SPATA20: variants seen among roughly 807,000 people sequenced by gnomAD.
SPATA20 encodes the protein spermatogenesis associated 20, also known as spermatogenesis-associated protein 20.
Under a neutral mutation model 98.9 loss-of-function variants are expected in SPATA20, and 74 were observed. That is an observed-to-expected ratio of 0.75 (90% CI 0.62 to 0.91). SPATA20 has a LOEUF of 0.91. SPATA20 is among the 40% of genes least tolerant of loss of function. SPATA20 has a pLI of 0.00. For missense variants in SPATA20, 1,016 were observed against 1,069.8 expected (o/e 0.95, Z 0.70); for synonymous variants, 430 against 440.5 (o/e 0.98, Z 0.30).
chr17:50,547,184 G>A lies in SPATA20; in HGVS notation c.-25G>A. 7.1e-7 allele frequency: 1 copy of A among 1,415,160 alleles called. No individual in the cohort carries two copies. The highest frequency in any genetic ancestry group is 9.2e-7 in the Non-Finnish European group (1 of 1,092,792). 87.7% of individuals were successfully genotyped at this position (1,415,160 alleles called of 1,614,324 possible). On this transcript the variant is annotated 5_prime_UTR_variant, in exon 1 of 17. Transcript: ENST00000006658. ...CTGACTTCCCTTCCTGTCCTCAGCG[G>A]CCGGGCCCACGGCCCCGAGCAGCCA...
Position 50,551,615 on chromosome 17 carries a change from G to A in SPATA20, c.1681G>A (p.Asp561Asn), listed in dbSNP as rs758849480. 1.9e-6 allele frequency: 3 copies of A among 1,606,140 alleles called. No homozygotes were observed. The East Asian group carries it at 6.7e-5, about 36-fold the overall frequency. The change falls in exon 13 of 17, where the codon GAT (aspartate) becomes AAT (asparagine). Residue 561 changes from aspartate to asparagine, a missense_variant. By Grantham distance (23) the Asp-to-Asn change is conservative. Transcript: ENST00000006658. ...CAAGTTCCTGAAGCGGCACATGTTT[G>A]ATGTGGCCAGTGGCCGCCTGATGCG... ...GAKFLKRHMF[D>N]VASGRLMRTC...
In SPATA20 at chr17:50,555,708, C is replaced by T. The variant is rs1315396009; in HGVS notation, c.*46C>T. ...TGGGGCAGAAGGTGAAGCATCCCAA[C>T]TGACTAGAGACTCAGGCCCTGCAGG... On this transcript the variant is annotated 3_prime_UTR_variant, in exon 17 of 17. Coordinates refer to ENST00000006658, the MANE Select transcript of SPATA20 (RefSeq NM_022827.4). 6.4e-7 allele frequency: 1 copy of T among 1,559,244 alleles called. No individual in the cohort carries two copies. Among genetic ancestry groups the T allele is most frequent in the Non-Finnish European group, 8.7e-7 (1 of 1,144,792 alleles).
intron 13 of SPATA20, 73 bp downstream of exon 13, chr17:50,551,752 C>T (rs1043919955): frequency 1.3e-6 from 2 of 1,486,426 alleles, no homozygotes; most frequent in Admixed American, 3.9e-5. Context: ...CTACTTCTCC[C>T]CTCCATGTGG....
rs137896040 is a variant in SPATA20 at position 50,555,025 on chromosome 17, T to C, written c.2158-207T>C. On this transcript the variant is annotated intron_variant, in intron 15 of 16. Transcript: ENST00000006658. ...GTATCTGTACCATTGTGTATATGTA[T>C]GACATTTCCACTTCGGTATTCTCAT... 5.1e-3 allele frequency among the ~76,000 whole-genome samples: 769 copies of C among 152,062 alleles called. 7 individuals are homozygous for C. The highest frequency in any genetic ancestry group is 0.018 in the African/African-American group (737 of 41,474).
At chr17:50,555,431 T>G (rs1004040640) in intron 16 of SPATA20, 61 bp from the exon 17 acceptor site, 25 of 1,606,632 alleles carry the variant, frequency 1.6e-5, no homozygotes, top group Non-Finnish European at 2.0e-5. Flanking sequence ...CAGTGGGCCT[T>G]TCTAATGGGC....
Position 50,547,760 on chromosome 17 carries a change from C to G in SPATA20, c.118C>G (p.Pro40Ala), listed in dbSNP as rs200779493. 1.3e-6 allele frequency: 1 copy of G among 784,066 alleles called. No homozygotes were observed. The highest frequency in any genetic ancestry group is 2.4e-6 in the Non-Finnish European group (1 of 421,056). The allele number at this position is 784,066 out of a possible 1,614,324, so 48.6% of individuals were successfully genotyped here. The part of the protein sequence containing the change: ...VWPRTWPHRS[P>A]SRGSSSRDKD... ...GCCCAGGACCTGGCCCCACAGGAGT[C>G]CCAGCAGGTGGGCGCTGAGTGAGGG... Residue 40 changes from proline (P) to alanine (A), a missense_variant, in exon 2 of 17, where the codon CCC (proline) becomes GCC (alanine). Coordinates refer to ENST00000006658, the MANE Select transcript of SPATA20 (RefSeq NM_022827.4).
At chr17:50,550,636 C>G in intron 10 of SPATA20, 26 bp downstream of exon 10, 1 of 1,613,648 alleles carries the variant, frequency 6.2e-7, no homozygotes, top group East Asian at 2.2e-5. Context: ...GGCAGGCAGG[C>G]CTGGCTGTGG....
chr17:50,550,712 G>C lies in SPATA20; in HGVS notation c.1178G>C (p.Gly393Ala). 5 of 1,613,374 alleles carry C rather than the reference G, an allele frequency of 3.1e-6. No homozygotes were observed. The South Asian group carries it at 5.5e-5, about 18-fold the overall frequency. ...YVARSLSHRSGGFYSAEDADS... is the reference protein window; with the variant it reads ...YVARSLSHRSAGFYSAEDADS... ...CCAACTCTCCCCTCCCCACAGTCCGGAGGCTTCTATAGCGCAGAAGATGCA... is the reference window on the plus strand; with the variant it reads ...CCAACTCTCCCCTCCCCACAGTCCGCAGGCTTCTATAGCGCAGAAGATGCA... The change falls in exon 11 of 17, where the codon GGA (glycine) becomes GCA (alanine). Residue 393 changes from glycine to alanine, a missense_variant. Gly to Ala is a moderately conservative substitution (Grantham distance 60). Coordinates refer to ENST00000006658, the MANE Select transcript of SPATA20 (RefSeq NM_022827.4).
Position 50,551,603 on chromosome 17 carries a change from C to A in SPATA20, c.1669C>A (p.Arg557=). Residue 557 remains arginine (R), a synonymous_variant, in exon 13 of 17, where the codon CGG becomes AGG. Transcript: ENST00000006658. ...CACCAATGGTGCCAAGTTCCTGAAG[C>A]GGCACATGTTTGATGTGGCCAGTGG... The part of the protein sequence containing the change: ...YATNGAKFLK[R]HMFDVASGRL... 3 of 1,608,252 alleles carry A rather than the reference C, an allele frequency of 1.9e-6. No homozygotes were observed. Among genetic ancestry groups the A allele is most frequent in the East Asian group, 4.5e-5 (2 of 44,666 alleles).
rs1219291006 is a variant in SPATA20, at chr17:50,555,529, T to C, written c.2276T>C (p.Leu759Pro). Residue 759 changes from leucine to proline, a missense_variant, in exon 17 of 17, where the codon CTG (leucine) becomes CCG (proline). Coordinates refer to ENST00000006658, the MANE Select transcript of SPATA20 (RefSeq NM_022827.4). Reference protein sequence around the residue: ...ILADGDPSSFLSRQLPFLSTL... With the variant: ...ILADGDPSSFPSRQLPFLSTL... ...GCTGATGGGGACCCCTCGAGCTTCCTGTCCCGCCAGCTGCCTTTCCTGAGT... is the reference window on the plus strand; with the variant it reads ...GCTGATGGGGACCCCTCGAGCTTCCCGTCCCGCCAGCTGCCTTTCCTGAGT... 2 of 1,614,058 alleles carry C rather than the reference T, an allele frequency of 1.2e-6. No individual in the cohort carries two copies. Among genetic ancestry groups the C allele is most frequent in the South Asian group, 1.1e-5 (1 of 91,082 alleles).
Position 50,555,292 on chromosome 17 carries a change from T to C in SPATA20, c.2218T>C (p.Ser740Pro). Reference sequence around the variant, plus strand: ...CAAGGCCCTGGTGCAGTGCGTCCACTCTGTCTACATTCCTAACAAGGTACC... The same window carrying C: ...CAAGGCCCTGGTGCAGTGCGTCCACCCTGTCTACATTCCTAACAAGGTACC... ...DTKALVQCVH[S>P]VYIPNKVLIL... is the part of the protein sequence containing the mutation. Residue 740 changes from serine to proline, a missense_variant, in exon 16 of 17, where the codon TCT becomes CCT. Physicochemically the swap from Ser to Pro is moderately conservative, Grantham distance 74. Coordinates refer to ENST00000006658, the MANE Select transcript of SPATA20 (RefSeq NM_022827.4). 1 of 1,614,004 alleles carries C rather than the reference T, an allele frequency of 6.2e-7. No homozygotes were observed. The highest frequency in any genetic ancestry group is 8.5e-7 in the Non-Finnish European group (1 of 1,179,926).
At position 50,548,847 on chromosome 17, in the gene SPATA20, A is replaced by G; in HGVS notation, c.399A>G (p.Glu133=). 6.2e-7 allele frequency: 1 copy of G among 1,614,096 alleles called. No individual in the cohort carries two copies. Among genetic ancestry groups the G allele is most frequent in the Non-Finnish European group, 8.5e-7 (1 of 1,179,980 alleles). The stretch of plus-strand genomic sequence containing the variant: ...CCTGCCACTGGTGCCACATGATGGA[A>G]GAGGAGTCCTTCCAGAATGAGGAGA... The part of the protein sequence containing the change: ...YSTCHWCHMM[E]EESFQNEEIG... Residue 133 remains glutamate (E), a synonymous_variant, in exon 5 of 17, where the codon GAA becomes GAG. Transcript: ENST00000006658.
rs2035060916 is a variant in SPATA20 at position 50,554,323 on chromosome 17, G to A, written c.2030G>A (p.Gly677Asp). ...CTGCTCCGGCTGCATGGCTTCACGGGCCACAAGGACTGGATGGACAAGTGT... is the reference window on the plus strand; with the variant it reads ...CTGCTCCGGCTGCATGGCTTCACGGACCACAAGGACTGGATGGACAAGTGT... ...HNLLRLHGFT[G>D]HKDWMDKCVC... Residue 677 changes from glycine to aspartate, a missense_variant, in exon 15 of 17, where the codon GGC becomes GAC. By Grantham distance (94) the Gly-to-Asp change is moderately conservative (BLOSUM62 -1). Coordinates refer to ENST00000006658, the MANE Select transcript of SPATA20 (RefSeq NM_022827.4). The A allele has an allele frequency of 6.2e-7, 1 of 1,614,200 alleles. No individual in the cohort carries two copies. The highest frequency in any genetic ancestry group is 8.5e-7 in the Non-Finnish European group (1 of 1,180,044).
chr17:50,554,421 C>T lies in SPATA20; in HGVS notation c.2128C>T (p.Leu710Phe), dbSNP rs1434187298. ...PVALPEMVRA[L>F]SAQQQTLKQI... Reference sequence around the variant, plus strand: ...GGCGTTGCCCGAGATGGTCCGCGCCCTCTCAGCCCAGCAGCAGACCCTCAA... The same window carrying T: ...GGCGTTGCCCGAGATGGTCCGCGCCTTCTCAGCCCAGCAGCAGACCCTCAA... Residue 710 changes from leucine (L) to phenylalanine (F), a missense_variant, in exon 15 of 17, where the codon CTC becomes TTC. Physicochemically the swap from Leu to Phe is conservative, Grantham distance 22. Transcript: ENST00000006658. 1.2e-6 allele frequency: 2 copies of T among 1,612,966 alleles called. No individual in the cohort carries two copies. Among genetic ancestry groups the T allele is most frequent in the Non-Finnish European group, 1.7e-6 (2 of 1,180,038 alleles).
chr17:50,555,169 G>T, intron 15 of SPATA20, 63 bp from the exon 16 acceptor site: 1 of 1,342,136 alleles, frequency 7.5e-7, no homozygotes, highest in Admixed American at 1.7e-5. Context: ...GGGAAGCCCT[G>T]GTGGTCTAGG....
In SPATA20 at chr17:50,551,040, C is replaced by T. The variant is rs149834493; in HGVS notation, c.1426C>T (p.Arg476Trp). 5.0e-5 allele frequency: 81 copies of T among 1,613,418 alleles called. No homozygotes were observed. The highest frequency in any genetic ancestry group is 2.7e-4 in the Admixed American group (16 of 60,024). The stretch of plus-strand genomic sequence containing the variant: ...GCAGGGCCAGAATGTGCTGACCGTC[C>T]GGTACTCGCTGGAGCTGACTGCTGC... The part of the protein sequence containing the change: ...ELQGQNVLTV[R>W]YSLELTAARF... The change falls in exon 12 of 17, where the codon CGG becomes TGG. Residue 476 changes from arginine (R) to tryptophan (W), a missense_variant. Transcript: ENST00000006658.
chr17:50,550,613 G>A lies in SPATA20; in HGVS notation c.1173+3G>A, dbSNP rs2034996166. 1.2e-6 allele frequency: 2 copies of A among 1,613,874 alleles called. No individual in the cohort carries two copies. The highest frequency in any genetic ancestry group is 3.3e-5 in the Admixed American group (2 of 60,014). On this transcript the variant is annotated splice_donor_region_variant and intron_variant, in intron 10 of 16. Coordinates refer to ENST00000006658, the MANE Select transcript of SPATA20 (RefSeq NM_022827.4). ...TGGCTCGGAGCCTGAGCCACCGGGT[G>A]TGTGTCCATGGTGGCAGGCAGGCCT...
chr17:50,555,601 A>G lies in SPATA20; in HGVS notation c.2348A>G (p.Asn783Ser). 1 of 1,614,046 alleles carries G rather than the reference A, an allele frequency of 6.2e-7. No homozygotes were observed. The highest frequency in any genetic ancestry group is 8.5e-7 in the Non-Finnish European group (1 of 1,179,966). The change falls in exon 17 of 17, where the codon AAT (asparagine) becomes AGT (serine). Residue 783 changes from asparagine (N) to serine (S), a missense_variant. Asn to Ser is a conservative substitution (Grantham distance 46). Coordinates refer to ENST00000006658, the MANE Select transcript of SPATA20 (RefSeq NM_022827.4). ...CAGGCCACTGCATATGTGTGTGAGA[A>G]TCAAGCCTGCTCAGTGCCCATCACT... ...EDQATAYVCE[N>S]QACSVPITDP...
intron 1 of SPATA20, 37 bp downstream of exon 1, chr17:50,547,322 G>C (rs1426478134): frequency 2.9e-6 from 4 of 1,402,474 alleles, no homozygotes; most frequent in Non-Finnish European, 3.7e-6. Flanking sequence ...GGCACTCCCT[G>C]CGCCTGCCTG....
Sources: gnomAD v4.1 joint callset for allele counts (sites outside exome capture counted in the v4.1 genomes callset) on GRCh38, gnomAD v4.1.1 for gene constraint, MANE v1.5 for transcripts, NCBI Gene and HGNC (gene_info 2026-07-23, HGNC 2026-07-21) for gene names.